The following RASSF2 variants were observed in gnomAD, a reference collection of about 807,000 sequenced individuals.
The protein encoded by RASSF2 is ras association domain-containing protein 2.
In RASSF2, 34 loss-of-function variants were observed where a neutral mutation model predicts 46.3. That is an observed-to-expected ratio of 0.73 (90% confidence interval 0.56 to 0.98). The LOEUF (loss-of-function observed/expected upper bound fraction) is 0.98. Ranked by LOEUF, RASSF2 falls within the 50% of genes least tolerant of loss-of-function variation. The pLI is 0.00. For synonymous variants in RASSF2, 158 were observed against 162.5 expected (o/e 0.97, Z 0.21); for missense variants, 364 against 431.2 (o/e 0.84, Z 1.38).
intron 5 of RASSF2, chr20:4,792,955 C>G: frequency 3.1e-6 from 1 of 318,472 alleles, no homozygotes; most frequent in Non-Finnish European, 5.9e-6. Flanking sequence ...CACGTGTTGC[C>G]TGCACTGCTT....
intron 2 of RASSF2, among the ~76,000 whole-genome samples, chr20:4,816,318 G>A (rs1172687220): frequency 4.6e-5 from 7 of 151,926 alleles, no homozygotes; most frequent in South Asian, 2.1e-4. Context: ...AAACAAAAAC[G>A]AAAAATATAT....
At chr20:4,807,965 T>C (rs553215435) in intron 2 of RASSF2, among the ~76,000 whole-genome samples, 21 of 152,256 alleles carry the variant, frequency 1.4e-4, no homozygotes, top group African/African-American at 4.3e-4. Flanking sequence ...TAAGCTACAT[T>C]CACATCCACC....
In RASSF2 at chr20:4,781,161, A is replaced by T. The variant is rs1924783018; in HGVS notation, c.*3112T>A. ...TGTGGCCAATTTCTTCACTCTCCTG[A>T]CACTTTGAAGTAACCACTCAACTCC... On this transcript the variant is annotated 3_prime_UTR_variant, in exon 12 of 12. Coordinates refer to ENST00000379400, the MANE Select transcript of RASSF2 (RefSeq NM_014737.3). 6.6e-6 allele frequency: 1 copy of T among 151,924 alleles called. No homozygotes were observed. The highest frequency in any genetic ancestry group is 1.5e-5 in the Non-Finnish European group (1 of 67,988). The allele number at this position is 151,924 out of a possible 1,614,324, so 9.4% of individuals were successfully genotyped here.
intron 4 of RASSF2, 104 bp from the exon 5 acceptor site, chr20:4,796,070 G>A (rs1304925828): frequency 2.3e-6 from 3 of 1,320,540 alleles, no homozygotes; most frequent in African/African-American, 3.0e-5. Context: ...CTGGCTGGGG[G>A]CCCCCAGACT....
chr20:4,795,969 G>C lies in RASSF2; in HGVS notation c.136-3C>G. 6.6e-7 allele frequency: 1 copy of C among 1,508,508 alleles called. No individual in the cohort carries two copies. The allele number at this position is 1,508,508 out of a possible 1,614,324, so 93.4% of individuals were successfully genotyped here. A position where few individuals can be genotyped will look rare whatever the true frequency, so the allele number is the denominator to read the frequency against. On this transcript the variant is annotated splice_region_variant and splice_polypyrimidine_tract_variant and intron_variant, in intron 4 of 11. Transcript: ENST00000379400. This position sits in a 1 kb window ranked among gnomAD's most constrained non-coding sequence, Gnocchi z 4.0. ...TCCACAATGAACTCGTCTTCTTCCT[G>C]CCCACAAAGCAATCAGAGTAGTGAG...
At chr20:4,816,073 G>T (rs762392670) in intron 2 of RASSF2, among the ~76,000 whole-genome samples, 1 of 152,182 alleles carries the variant, frequency 6.6e-6, no homozygotes, top group African/African-American at 2.4e-5. Flanking sequence ...AGGCCGAGAC[G>T]GGAGGATGGC....
At chr20:4,785,778 T>G (rs535189740) in intron 11 of RASSF2, among the ~76,000 whole-genome samples, 1 of 152,210 alleles carries the variant, frequency 6.6e-6, no homozygotes, top group Non-Finnish European at 1.5e-5. Flanking sequence ...CACTATCCCT[T>G]GAGGTTACCC....
chr20:4,814,953 A>G (rs1407020038), intron 2 of RASSF2: 2 of 152,292 alleles, frequency 1.3e-5, no homozygotes, highest in East Asian at 1.9e-4. Flanking sequence ...AGGCGGCTCT[A>G]TCAAACCTCT....
chr20:4,810,080 C>A lies in RASSF2; in HGVS notation c.-32-9018G>T, dbSNP rs537966064. Among the ~76,000 whole-genome samples, 5 of 152,288 alleles carry A rather than the reference C, an allele frequency of 3.3e-5. No homozygotes were observed. In the South Asian group the frequency reaches 1.0e-3, roughly 32 times the overall value. On this transcript the variant is annotated intron_variant, in intron 2 of 11. Transcript: ENST00000379400. ...ACCTGCTCCATATCTGAGATTGAAG[C>A]AACTACTGGGTCTGTCACTGTCCCC...
intron 11 of RASSF2, 102 bp from the exon 12 acceptor site, chr20:4,784,444 A>G: frequency 2.0e-6 from 2 of 993,862 alleles, no homozygotes; most frequent in South Asian, 2.7e-5. Context: ...ACCAGGTAAC[A>G]GTGCAGTCAA....
In RASSF2 at chr20:4,783,349, C is replaced by T. The variant is rs1173677737; in HGVS notation, c.*924G>A. The T allele has an allele frequency of 6.6e-6, 1 of 152,252 alleles. No individual in the cohort carries two copies. The highest frequency in any genetic ancestry group is 1.5e-5 in the Non-Finnish European group (1 of 68,064). 9.4% of individuals were successfully genotyped at this position (152,252 alleles called of 1,614,324 possible). A position where few individuals can be genotyped will look rare whatever the true frequency, so the allele number is the denominator to read the frequency against. ...CTTCCTGGCCACCAGGCCACCAGGC[C>T]CTGGCCACACTAGCTGGTCAGCACT... On this transcript the variant is annotated 3_prime_UTR_variant, in exon 12 of 12. Coordinates refer to ENST00000379400, the MANE Select transcript of RASSF2 (RefSeq NM_014737.3).
At chr20:4,794,906 G>A (rs997114675) in intron 5 of RASSF2, among the ~76,000 whole-genome samples, 1 of 152,192 alleles carries the variant, frequency 6.6e-6, no homozygotes, top group African/African-American at 2.4e-5. Context: ...CTCAATTGTA[G>A]AGAAACATAG....
At chr20:4,811,507 G>A (rs1927810967) in intron 2 of RASSF2, among the ~76,000 whole-genome samples, 1 of 152,180 alleles carries the variant, frequency 6.6e-6, no homozygotes, top group Non-Finnish European at 1.5e-5. Context: ...GAACCTGGTA[G>A]GGAAAGAGCT....
intron 2 of RASSF2, among the ~76,000 whole-genome samples, chr20:4,811,710 G>C (rs559040231): frequency 6.6e-6 from 1 of 152,276 alleles, no homozygotes; most frequent in African/African-American, 2.4e-5. Flanking sequence ...GACGCAAAGG[G>C]CTCCTTCTTG....
chr20:4,788,290 CT>C, intron 8 of RASSF2, 22 bp from the exon 9 acceptor site: 1 of 1,597,464 alleles, frequency 6.3e-7, no homozygotes, highest in South Asian at 1.1e-5. Context: ...GCAAAAGATT[CT>C]TGTTGAAAGT....
intron 2 of RASSF2, among the ~76,000 whole-genome samples, chr20:4,808,858 GTTAC>G (rs1176737299): frequency 9.9e-5 from 15 of 152,164 alleles, no homozygotes; most frequent in African/African-American, 3.6e-4. Flanking sequence ...TATGAACATA[GTTAC>G]TTACTCCCTC....
At chr20:4,793,258 C>A (rs186757397) in intron 5 of RASSF2, among the ~76,000 whole-genome samples, 212 of 152,202 alleles carry the variant, frequency 1.4e-3, no homozygotes, top group Non-Finnish European at 2.6e-3. Flanking sequence ...TCATAACTGG[C>A]AAATAACTTC....
chr20:4,808,134 C>G (rs1927489862), intron 2 of RASSF2, among the ~76,000 whole-genome samples: 1 of 152,196 alleles, frequency 6.6e-6, no homozygotes, highest in Non-Finnish European at 1.5e-5. Flanking sequence ...GACACTTCCT[C>G]CAGGGGTGCC....
chr20:4,806,287 G>A (rs1336062319), intron 2 of RASSF2, among the ~76,000 whole-genome samples: 1 of 152,236 alleles, frequency 6.6e-6, no homozygotes, highest in Admixed American at 6.5e-5. Context: ...GGTCATGGGG[G>A]AACTCAGCCA....
Sources: gnomAD v4.1 joint callset for allele counts (sites outside exome capture counted in the v4.1 genomes callset) on GRCh38, gnomAD v4.1.1 for gene constraint, Gnocchi (gnomAD v3.1) non-coding constraint, MANE v1.5 for transcripts, NCBI Gene and HGNC (gene_info 2026-07-23, HGNC 2026-07-21) for gene names.